The following ZNF550 variants were observed in gnomAD, a reference collection of about 807,000 sequenced individuals.
ZNF550 encodes the protein zinc finger protein 550.
Under a neutral mutation model 40.2 loss-of-function variants are expected in ZNF550, and 42 were observed. The ratio of observed to expected loss-of-function variants is 1.05; its 90% CI spans 0.82 to 1.35. ZNF550 has a LOEUF of 1.35. Ranked by LOEUF, ZNF550 falls within the 40% of genes most tolerant of loss-of-function variation. The probability of loss-of-function intolerance (pLI) is 0.00; values close to 1 mark genes in which losing one functional copy is unlikely to be tolerated. For synonymous variants in ZNF550, 223 were observed against 198.6 expected, an observed-to-expected ratio of 1.12 and a Z score of -1.03; for missense variants, 549 against 525.2, an observed-to-expected ratio of 1.05 and a Z score of -0.44.
At chr19:57,551,323 C>T (rs1049191809) in intron 3 of ZNF550, among the ~76,000 whole-genome samples, 8 of 152,026 alleles carry the variant, frequency 5.3e-5, no homozygotes, top group South Asian at 2.1e-4. Flanking sequence ...CTGCAGGAGC[C>T]GGTGCAGGGA....
intron 4 of ZNF550, chr19:57,543,640 A>G (rs899159294): frequency 7.1e-6 from 7 of 985,300 alleles, no homozygotes; most frequent in Non-Finnish European, 8.4e-6. Flanking sequence ...ATGAACATGA[A>G]AACGTTTTAC....
At chr19:57,544,200 A>AT in intron 4 of ZNF550, 1 of 985,508 alleles carries the variant, frequency 1.0e-6, no homozygotes, top group Non-Finnish European at 1.2e-6. Context: ...GTGAGTGGCC[A>AT]TGGAGCTAAA....
At chr19:57,543,863 G>C (rs1348304482) in intron 4 of ZNF550, 1 of 664,144 alleles carries the variant, frequency 1.5e-6, no homozygotes, top group South Asian at 6.8e-5. Flanking sequence ...CCTTGAACTC[G>C]GGAGGCAGAA....
chr19:57,556,380 T>C (rs1599899028), intron 1 of ZNF550, 23 bp from the exon 2 acceptor site: 2 of 1,607,428 alleles, frequency 1.2e-6, no homozygotes, highest in East Asian at 4.5e-5. Flanking sequence ...ACAGAAGTAA[T>C]GCTATTGGCC....
chr19:57,549,042 G>A (rs1204282152), intron 3 of ZNF550, among the ~76,000 whole-genome samples: 1 of 152,178 alleles, frequency 6.6e-6, no homozygotes, highest in African/African-American at 2.4e-5. Context: ...ATGGAGTAGT[G>A]AGGATGGTTA....
At chr19:57,545,916 G>A (rs926277671) in intron 4 of ZNF550, among the ~76,000 whole-genome samples, 1 of 152,102 alleles carries the variant, frequency 6.6e-6, no homozygotes, top group Non-Finnish European at 1.5e-5. Context: ...AGAAACTTGA[G>A]GCAAGAGGAC....
At chr19:57,547,262 C>T in exon 4 of ZNF550, 1 of 1,613,754 alleles carries the variant, frequency 6.2e-7, no homozygotes, top group Non-Finnish European at 8.5e-7. Flanking sequence ...ATTAGGTGGG[C>T]TCTATTGCTA....
intron 4 of ZNF550, chr19:57,543,253 T>A (rs1389574932): frequency 8.7e-6 from 8 of 916,018 alleles, no homozygotes; most frequent in Non-Finnish European, 1.0e-5. Context: ...TCTGAAATTA[T>A]AAAATTTACT....
chr19:57,550,467 C>T (rs540109401), intron 3 of ZNF550, among the ~76,000 whole-genome samples: 2 of 152,198 alleles, frequency 1.3e-5, no homozygotes, highest in African/African-American at 4.8e-5. Flanking sequence ...GATGTTTTCA[C>T]ATAATTTTAT....
chr19:57,549,164 T>C (rs2090050602), intron 3 of ZNF550, among the ~76,000 whole-genome samples: 1 of 152,190 alleles, frequency 6.6e-6, no homozygotes, highest in African/African-American at 2.4e-5. Flanking sequence ...TAACTAAGGG[T>C]ATAACGGGAT....
At chr19:57,553,251 C>T (rs1383283094) in intron 2 of ZNF550, 1 of 152,600 alleles carries the variant, frequency 6.6e-6, no homozygotes, top group African/African-American at 2.4e-5. Flanking sequence ...AAGACAGGCA[C>T]AAATCCCACT....
exon 4 of ZNF550, chr19:57,547,143 C>T (rs752891784): frequency 6.2e-7 from 1 of 1,611,192 alleles, no homozygotes; most frequent in Non-Finnish European, 8.5e-7. Flanking sequence ...AGGGCTTCTC[C>T]CCAGTGTGAA....
At chr19:57,555,762 C>G (rs1217833946) in intron 2 of ZNF550, 2 of 200,644 alleles carry the variant, frequency 1.0e-5, no homozygotes, top group African/African-American at 4.8e-5. Context: ...CCTCCTGGAT[C>G]AACAGAGCAT....
At chr19:57,557,787 G>C (rs1447165063) in intron 1 of ZNF550, among the ~76,000 whole-genome samples, 2 of 152,144 alleles carry the variant, frequency 1.3e-5, no homozygotes, top group Admixed American at 6.5e-5. Context: ...CTTAAATCAG[G>C]CCTCCTGAAT....
At chr19:57,547,702 A>C in exon 4 of ZNF550, 3 of 1,614,184 alleles carry the variant, frequency 1.9e-6, no homozygotes, top group Non-Finnish European at 2.5e-6. Flanking sequence ...TTCATGGAGA[A>C]CATCTGCTGA....
chr19:57,543,132 TTC>T (rs1213580849), exon 5 of ZNF550: 9 of 546,850 alleles, frequency 1.6e-5, no homozygotes, highest in Non-Finnish European at 2.1e-5. Flanking sequence ...TCCAAATCAC[TTC>T]TGGTGCTTTC....
upstream of ZNF550, among the ~76,000 whole-genome samples, chr19:57,560,331 G>A (rs2090159167): frequency 6.6e-6 from 1 of 152,184 alleles, no homozygotes; most frequent in Non-Finnish European, 1.5e-5. Context: ...GTGGGGTTCC[G>A]TCTGTGGGAC....
At chr19:57,559,539 T>C (rs764608538) in intron 1 of ZNF550, 117 bp downstream of exon 1, 296 of 1,048,928 alleles carry the variant, frequency 2.8e-4, no homozygotes, top group Non-Finnish European at 3.6e-4. Flanking sequence ...CTTCTAGGCC[T>C]CTAAGAAGCA....
intron 3 of ZNF550, among the ~76,000 whole-genome samples, chr19:57,549,140 T>C (rs1416492468): frequency 6.6e-6 from 1 of 152,196 alleles, no homozygotes; most frequent in Non-Finnish European, 1.5e-5. Flanking sequence ...AATAATTTAT[T>C]CTATACTTTG....
Sources: gnomAD v4.1 joint callset for allele counts (sites outside exome capture counted in the v4.1 genomes callset) on GRCh38, gnomAD v4.1.1 for gene constraint, MANE v1.5 for transcripts, NCBI Gene and HGNC (gene_info 2026-07-23, HGNC 2026-07-21) for gene names.